Variants in TTLL1 observed in about 807,000 individuals in gnomAD.
TTLL1 encodes the protein polyglutamylase complex subunit TTLL1.
In TTLL1, 33 loss-of-function variants were observed where a neutral mutation model predicts 47.8. The observed-to-expected ratio is 0.69, with a 90% CI of 0.52 to 0.92. TTLL1 has a LOEUF of 0.92. Ranked by LOEUF, TTLL1 falls within the 40% of genes least tolerant of loss-of-function variation. The probability of loss-of-function intolerance (pLI) is 0.00; values close to 1 mark genes in which losing one functional copy is unlikely to be tolerated. For missense variants in TTLL1, 488 were observed against 547.5 expected (o/e 0.89, Z 1.08); for synonymous variants, 225 against 214.1 (o/e 1.05, Z -0.45).
intron 5 of TTLL1, among the ~76,000 whole-genome samples, chr22:43,065,064 G>A (rs1187268983): frequency 6.6e-6 from 1 of 151,706 alleles, no homozygotes; most frequent in Non-Finnish European, 1.5e-5. Flanking sequence ...ATAATCGCTT[G>A]AACCCGGGAG....
chr22:43,065,351 G>A (rs1046689356), intron 5 of TTLL1, among the ~76,000 whole-genome samples: 4 of 151,756 alleles, frequency 2.6e-5, no homozygotes, highest in South Asian at 2.1e-4. Context: ...GTGCACTGGC[G>A]TGATCTTGGC....
intron 4 of TTLL1, among the ~76,000 whole-genome samples, chr22:43,069,387 G>C (rs570780586): frequency 7.9e-6 from 1 of 125,848 alleles, no homozygotes; most frequent in African/African-American, 3.3e-5. Flanking sequence ...GTGAGATTCT[G>C]TCTCAAAAAA....
In TTLL1 at chr22:43,050,521, T is replaced by G. The variant is rs1030452348; in HGVS notation, c.978+1280A>C. Among the ~76,000 whole-genome samples the G allele has an allele frequency of 1.7e-3, 263 of 152,016 alleles. 1 individual carries two copies. The highest frequency in any genetic ancestry group is 6.8e-3 in the Middle Eastern group (2 of 294). Reference sequence around the variant, plus strand: ...CACTCTGGTTTTTTTTTGTTTTTTTTTTTGTTTGTTTGTTTTTGAGACAAA... The same window carrying G: ...CACTCTGGTTTTTTTTTGTTTTTTTGTTTGTTTGTTTGTTTTTGAGACAAA... On this transcript the variant is annotated intron_variant, in intron 9 of 10. Transcript: ENST00000266254.
rs116238715 is a variant in TTLL1, at chr22:43,040,328, C to T, written c.1143-423G>A. 1,132 of 173,056 alleles carry T rather than the reference C, an allele frequency of 6.5e-3. 13 individuals carry two copies. Among genetic ancestry groups the T allele is most frequent in the African/African-American group, 0.026 (1,082 of 41,998 alleles). 10.7% of individuals were successfully genotyped at this position (173,056 alleles called of 1,614,324 possible). A position where few individuals can be genotyped will look rare whatever the true frequency, so the allele number is the denominator to read the frequency against. ...ACAAGGCACCTGCAGGCTGGGGGGACTAACTCCATTCCAGATGGGAGTGGT... is the reference window on the plus strand; with the variant it reads ...ACAAGGCACCTGCAGGCTGGGGGGATTAACTCCATTCCAGATGGGAGTGGT... On this transcript the variant is annotated intron_variant, in intron 10 of 10. Coordinates refer to ENST00000266254, the MANE Select transcript of TTLL1 (RefSeq NM_012263.5).
chr22:43,069,935 A>G (rs1159993671), intron 3 of TTLL1, 91 bp from the exon 4 acceptor site: 1 of 1,521,160 alleles, frequency 6.6e-7, no homozygotes. Context: ...CTGAACCCTC[A>G]GCACCCTTCA....
In TTLL1 at chr22:43,059,242, C is replaced by A. The variant is rs1467979482; in HGVS notation, c.891+142G>T. On this transcript the variant is annotated intron_variant, in intron 8 of 10. Coordinates refer to ENST00000266254, the MANE Select transcript of TTLL1 (RefSeq NM_012263.5). Reference sequence around the variant, plus strand: ...CTTCTGACCTCAGGTGATCCGCCCGCCTCGGCCTCCCAGCTTGCTGGGATT... The same window carrying A: ...CTTCTGACCTCAGGTGATCCGCCCGACTCGGCCTCCCAGCTTGCTGGGATT... 1.4e-5 allele frequency: 17 copies of A among 1,215,852 alleles called. No homozygotes were observed. In the African/African-American group the frequency reaches 2.6e-4, roughly 19 times the overall value. The allele number at this position is 1,215,852 out of a possible 1,614,324, so 75.3% of individuals were successfully genotyped here. A position where few individuals can be genotyped will look rare whatever the true frequency, so the allele number is the denominator to read the frequency against.
At chr22:43,052,818 G>A (rs1354834171) in intron 8 of TTLL1, among the ~76,000 whole-genome samples, 1 of 152,090 alleles carries the variant, frequency 6.6e-6, no homozygotes, top group East Asian at 1.9e-4. Context: ...CAGCACTTTG[G>A]GAGGCGGAGG....
intron 1 of TTLL1, among the ~76,000 whole-genome samples, chr22:43,080,902 CT>C (rs10529079): frequency 2.9e-3 from 202 of 69,182 alleles, no homozygotes; most frequent in African/African-American, 8.6e-3. Context: ...TGTTGCATGA[CT>C]TTTTTTTTTT....
chr22:43,048,589 T>C (rs906276313), intron 9 of TTLL1, among the ~76,000 whole-genome samples: 19 of 147,808 alleles, frequency 1.3e-4, no homozygotes, highest in African/African-American at 4.3e-4. Flanking sequence ...CGGCGAGCAA[T>C]GATGGTGACA....
At chr22:43,068,851 A>G (rs1927920402) in intron 4 of TTLL1, among the ~76,000 whole-genome samples, 1 of 152,158 alleles carries the variant, frequency 6.6e-6, no homozygotes, top group Admixed American at 6.6e-5. Context: ...ACCCTGTAAT[A>G]ATTCCCATTT....
chr22:43,056,219 C>T (rs1456754202), intron 8 of TTLL1, among the ~76,000 whole-genome samples: 1 of 151,714 alleles, frequency 6.6e-6, no homozygotes, highest in Non-Finnish European at 1.5e-5. Context: ...ATTAGCTGGG[C>T]GTGGTGGCGC....
intron 5 of TTLL1, among the ~76,000 whole-genome samples, 154 bp downstream of exon 5, chr22:43,068,256 G>A (rs1218581570): frequency 6.6e-6 from 1 of 152,032 alleles, no homozygotes; most frequent in Admixed American, 6.6e-5. Context: ...GGCGGAGGTT[G>A]CAGTGAGCTG....
intron 1 of TTLL1, among the ~76,000 whole-genome samples, chr22:43,080,471 A>G (rs1321336545): frequency 6.6e-6 from 1 of 151,630 alleles, no homozygotes; most frequent in Non-Finnish European, 1.5e-5. Context: ...TTCCCATTAC[A>G]GTAAGAATTT....
chr22:43,043,417 G>A (rs550295082), intron 10 of TTLL1, among the ~76,000 whole-genome samples: 1 of 151,974 alleles, frequency 6.6e-6, no homozygotes, highest in African/African-American at 2.4e-5. Context: ...TCCCCGCAAT[G>A]GTCCCCACCC....
chr22:43,081,784 T>G (rs1344430648), intron 1 of TTLL1, among the ~76,000 whole-genome samples: 2 of 150,448 alleles, frequency 1.3e-5, no homozygotes, highest in Admixed American at 6.7e-5. Flanking sequence ...CCTGACCTCA[T>G]GATCCACCCG....
intron 1 of TTLL1, among the ~76,000 whole-genome samples, chr22:43,081,735 A>G (rs969777408): frequency 2.0e-5 from 3 of 149,622 alleles, no homozygotes; most frequent in Non-Finnish European, 4.4e-5. Context: ...TTTACTAGAG[A>G]TGGGGGTTTC....
chr22:43,065,788 G>A (rs537530222), intron 5 of TTLL1, among the ~76,000 whole-genome samples: 1 of 152,016 alleles, frequency 6.6e-6, no homozygotes, highest in Admixed American at 6.6e-5. Flanking sequence ...TGCTGATAAG[G>A]GGGGAGGCCG....
chr22:43,084,555 G>A (rs1032260270), intron 1 of TTLL1, among the ~76,000 whole-genome samples: 15 of 152,154 alleles, frequency 9.9e-5, no homozygotes, highest in African/African-American at 3.6e-4. Flanking sequence ...AGGCTGGAGT[G>A]CAGTGGCGCG....
rs769481951 is a variant in TTLL1 at position 43,071,844 on chromosome 22, C to T, written c.114-2000G>A. Among the ~76,000 whole-genome samples, 56 of 152,360 alleles carry T rather than the reference C, an allele frequency of 3.7e-4. No homozygotes were observed. The Middle Eastern group carries it at 0.01, about 28-fold the overall frequency. ...GGGATGAGCTGGGGGTCCCAGAAGGCTTTCTTCATGTCTAACACCTTGGCA... is the reference window on the plus strand; with the variant it reads ...GGGATGAGCTGGGGGTCCCAGAAGGTTTTCTTCATGTCTAACACCTTGGCA... On this transcript the variant is annotated intron_variant, in intron 3 of 10. Transcript: ENST00000266254.
Sources: gnomAD v4.1 joint callset for allele counts (sites outside exome capture counted in the v4.1 genomes callset) on GRCh38, gnomAD v4.1.1 for gene constraint, MANE v1.5 for transcripts, NCBI Gene and HGNC (gene_info 2026-07-23, HGNC 2026-07-21) for gene names.